LMNA: variants seen among roughly 807,000 people sequenced by gnomAD.
LMNA encodes the protein lamin A/C, also known as lamin.
LMNA carries 20 observed loss-of-function variants against 70.4 expected under a neutral mutation model. The ratio of observed to expected loss-of-function variants is 0.28; its 90% CI spans 0.20 to 0.41. LMNA has a LOEUF of 0.41. Ranked by LOEUF, LMNA falls within the 10% of genes least tolerant of loss-of-function variation. LMNA has a pLI of 1.00. For synonymous variants in LMNA, 339 were observed against 372.8 expected (o/e 0.91, Z 1.04); for missense variants, 652 against 917.2 (o/e 0.71, Z 3.73).
chr1:156,128,778 C>T (rs1650795289), intron 1 of LMNA, among the ~76,000 whole-genome samples: 1 of 152,226 alleles, frequency 6.6e-6, no homozygotes, highest in African/African-American at 2.4e-5. Flanking sequence ...ACTCTAAGCT[C>T]CTTCTAGTTC....
intron 3 of LMNA, among the ~76,000 whole-genome samples, chr1:156,091,604 A>AAAAC (rs374242861): frequency 2.5e-4 from 38 of 152,246 alleles, no homozygotes; most frequent in East Asian, 1.2e-3. Flanking sequence ...CTCCGTCTCA[A>AAAAC]AAACAAACAA....
chr1:156,113,253 G>C (rs1649606179), upstream of LMNA, among the ~76,000 whole-genome samples: 1 of 152,000 alleles, frequency 6.6e-6, no homozygotes, highest in Non-Finnish European at 1.5e-5. Flanking sequence ...GCAATGAGCT[G>C]AGATCATGCC....
chr1:156,126,830 C>T, intron 1 of LMNA: 4 of 1,611,944 alleles, frequency 2.5e-6, no homozygotes, highest in Non-Finnish European at 3.4e-6. Context: ...CTTGGGGAAC[C>T]TGGAGGATGC....
rs772978446 is a variant in LMNA at position 156,137,148 on chromosome 1, C to A, written c.1524C>A (p.Pro508=). The A allele has an allele frequency of 1.2e-6, 2 of 1,613,292 alleles. No homozygotes were observed. The highest frequency in any genetic ancestry group is 1.7e-4 in the Middle Eastern group (1 of 6,060). ...WAAGAGATHS[P]PTDLVWKAQN... ...CAGGAGCTGGGGCCACCCACAGCCCCCCTACCGACCTGGTGTGGAAGGCAC... is the reference window on the plus strand; with the variant it reads ...CAGGAGCTGGGGCCACCCACAGCCCACCTACCGACCTGGTGTGGAAGGCAC... The change falls in exon 9 of 12, where the codon CCC becomes CCA. Residue 508 remains proline, a synonymous_variant. Coordinates refer to ENST00000368300, the MANE Select transcript of LMNA (RefSeq NM_170707.4). The surrounding 1 kb of genome is among the most constrained non-coding windows in gnomAD (Gnocchi z 4.6).
At position 156,135,822 on chromosome 1, in the gene LMNA, C is replaced by T. The variant is rs1157618119; in HGVS notation, c.937-79C>T. On this transcript the variant is annotated intron_variant, in intron 5 of 11. Coordinates refer to ENST00000368300, the MANE Select transcript of LMNA (RefSeq NM_170707.4). This position sits in a 1 kb window ranked among gnomAD's most constrained non-coding sequence, Gnocchi z 4.8. ...GATCCTGGAGAGAGTAGCCAGGTGT[C>T]TCCTACACCGACCCACGTCCCTCCT... 5.7e-6 allele frequency: 7 copies of T among 1,229,062 alleles called. No homozygotes were observed. The African/African-American group carries it at 7.4e-5, about 13-fold the overall frequency. 76.1% of individuals were successfully genotyped at this position (1,229,062 alleles called of 1,614,324 possible).
intron 3 of LMNA, among the ~76,000 whole-genome samples, chr1:156,092,539 C>T (rs887128405): frequency 2.6e-5 from 4 of 151,622 alleles, no homozygotes; most frequent in African/African-American, 4.8e-5. Flanking sequence ...ATTAGCTGGG[C>T]GTGGTGGTGG....
chr1:156,130,546 T>G, intron 1 of LMNA, 71 bp from the exon 2 acceptor site: 1 of 1,540,206 alleles, frequency 6.5e-7, no homozygotes, highest in Non-Finnish European at 9.0e-7. Context: ...ATGGCTGACC[T>G]CCTGGGAGCC....
rs76909024 is a variant in LMNA at position 156,085,301 on chromosome 1, G to T, written c.-319+2117G>T. On this transcript the variant is annotated intron_variant, in intron 2 of 12. Coordinates refer to the LMNA transcript ENST00000368301. Reference sequence around the variant, plus strand: ...TCAGAGTGTTTTTTACGAATCCTTCGCTCTCTCCCGGAGGCTGGTGGCCTC... The same window carrying T: ...TCAGAGTGTTTTTTACGAATCCTTCTCTCTCTCCCGGAGGCTGGTGGCCTC... 3.2e-4 allele frequency among the ~76,000 whole-genome samples: 48 copies of T among 152,286 alleles called. 1 individual carries two copies. In the East Asian group the frequency reaches 8.3e-3, roughly 26 times the overall value.
rs1649230986 is a variant in LMNA, at chr1:156,103,943, T to G, written c.-206-10770T>G. Among the ~76,000 whole-genome samples the G allele has an allele frequency of 1.3e-5, 2 of 152,116 alleles. No homozygotes were observed. The highest frequency in any genetic ancestry group is 2.9e-5 in the Non-Finnish European group (2 of 68,020). ...TTCCTTCCCCGAACCCGGCCTCAGTTCCTGGGACATCCTGGCTCCATTCTT... is the reference window on the plus strand; with the variant it reads ...TTCCTTCCCCGAACCCGGCCTCAGTGCCTGGGACATCCTGGCTCCATTCTT... On this transcript the variant is annotated intron_variant, in intron 3 of 12. Transcript: ENST00000368301. The surrounding 1 kb of genome is among the most constrained non-coding windows in gnomAD (Gnocchi z 4.7).
chr1:156,112,794 C>T (rs1649588541), upstream of LMNA, among the ~76,000 whole-genome samples: 4 of 152,200 alleles, frequency 2.6e-5, no homozygotes, highest in South Asian at 2.1e-4. Flanking sequence ...TCATCCACCC[C>T]GAGGCCAGGC....
In LMNA at chr1:156,135,971, G is replaced by A. The variant is rs58105277; in HGVS notation, c.1007G>A (p.Arg336Gln). 9.3e-6 allele frequency: 15 copies of A among 1,614,040 alleles called. No homozygotes were observed. Among genetic ancestry groups the A allele is most frequent in the Middle Eastern group, 1.7e-4 (1 of 6,060 alleles). Residue 336 changes from arginine (R) to glutamine (Q), a missense_variant, in exon 6 of 12, where the codon CGG becomes CAG. By Grantham distance (43) the Arg-to-Gln change is conservative (BLOSUM62 1). This residue lies in a region of LMNA where 38 missense variants were observed against 32.5 expected (regional missense o/e 1.17). Coordinates refer to ENST00000368300, the MANE Select transcript of LMNA (RefSeq NM_170707.4). The surrounding 1 kb of genome is among the most constrained non-coding windows in gnomAD (Gnocchi z 4.8). The part of the protein sequence containing the change: ...SLARERDTSR[R>Q]LLAEKEREMA... ...GCCCGTGAGCGGGACACCAGCCGGC[G>A]GCTGCTGGCGGAAAAGGAGCGGGAG...
intron 2 of LMNA, among the ~76,000 whole-genome samples, chr1:156,089,709 G>A (rs1404864365): frequency 6.6e-6 from 1 of 152,148 alleles, no homozygotes; most frequent in Non-Finnish European, 1.5e-5. Context: ...GATCTCCAAG[G>A]GCTTTGCAGG....
Position 156,135,980 on chromosome 1 carries a change from C to A in LMNA, c.1016C>A (p.Ala339Glu), listed in dbSNP as rs756538414. 32 of 1,614,046 alleles carry A rather than the reference C, an allele frequency of 2.0e-5. No homozygotes were observed. Among genetic ancestry groups the A allele is most frequent in the Non-Finnish European group, 2.6e-5 (31 of 1,180,012 alleles). The change falls in exon 6 of 12, where the codon GCG (alanine) becomes GAG (glutamate). Residue 339 changes from alanine (A) to glutamate (E), a missense_variant. This residue lies in a region of LMNA where 33 missense variants were observed against 75.3 expected (regional missense o/e 0.44). Transcript: ENST00000368300. This position sits in a 1 kb window ranked among gnomAD's most constrained non-coding sequence, Gnocchi z 4.8. ...CGGGACACCAGCCGGCGGCTGCTGG[C>A]GGAAAAGGAGCGGGAGATGGCCGAG... ...RERDTSRRLLAEKEREMAEMR... is the reference protein window; with the variant it reads ...RERDTSRRLLEEKEREMAEMR...
chr1:156,130,730 C>G lies in LMNA; in HGVS notation c.470C>G (p.Thr157Arg), dbSNP rs754097769. 4 of 1,607,794 alleles carry G rather than the reference C, an allele frequency of 2.5e-6. No homozygotes were observed. Among genetic ancestry groups the G allele is most frequent in the Non-Finnish European group, 2.5e-6 (3 of 1,177,368 alleles). The change falls in exon 2 of 12, where the codon ACG becomes AGG. Residue 157 changes from threonine (T) to arginine (R), a missense_variant. Around this residue, in one of 4 missense-constraint regions of LMNA, gnomAD observed 254 missense variants for 421.9 expected, o/e 0.60. Coordinates refer to ENST00000368300, the MANE Select transcript of LMNA (RefSeq NM_170707.4). ...AGCACTGCTCTCAGTGAGAAGCGCA[C>G]GCTGGAGGGCGAGCTGCATGATCTG... ...ALSTALSEKRTLEGELHDLRG... is the reference protein window; with the variant it reads ...ALSTALSEKRRLEGELHDLRG...
chr1:156,137,325 C>T lies in LMNA; in HGVS notation c.1608+93C>T. On this transcript the variant is annotated intron_variant, in intron 9 of 11. Transcript: ENST00000368300. The surrounding 1 kb of genome is among the most constrained non-coding windows in gnomAD (Gnocchi z 4.6). ...TGCCCCCAACCCAAGTTTGCCAATTCAGGGCCCCTTTCTAGAGCTCTCTGT... is the reference window on the plus strand; with the variant it reads ...TGCCCCCAACCCAAGTTTGCCAATTTAGGGCCCCTTTCTAGAGCTCTCTGT... The T allele has an allele frequency of 1.3e-6, 2 of 1,487,876 alleles. No individual in the cohort carries two copies. Among genetic ancestry groups the T allele is most frequent in the South Asian group, 1.2e-5 (1 of 82,350 alleles). 92.2% of individuals were successfully genotyped at this position (1,487,876 alleles called of 1,614,324 possible).
At chr1:156,097,330 C>T (rs544266180) in intron 3 of LMNA, among the ~76,000 whole-genome samples, 4 of 152,306 alleles carry the variant, frequency 2.6e-5, no homozygotes, top group Admixed American at 2.0e-4. Context: ...CCTTGTGGCT[C>T]CTTCTCACTG....
chr1:156,113,114 G>A (rs1649599665), upstream of LMNA, among the ~76,000 whole-genome samples: 2 of 151,902 alleles, frequency 1.3e-5, no homozygotes, highest in Admixed American at 1.3e-4. Context: ...GGCCAACATG[G>A]TGAAACCCCA....
In LMNA at chr1:156,138,890, C is replaced by A. The variant is rs1651893068; in HGVS notation, c.1968+133C>A. ...CCCGGGGGAGTGGGAGCCTCCTCCC[C>A]ACAGCCTGAGTCCTAGACAGCCCAC... On this transcript the variant is annotated intron_variant, in intron 11 of 11. Coordinates refer to ENST00000368300, the MANE Select transcript of LMNA (RefSeq NM_170707.4). This position sits in a 1 kb window ranked among gnomAD's most constrained non-coding sequence, Gnocchi z 5.5. The A allele has an allele frequency of 1.5e-6, 2 of 1,360,846 alleles. No individual in the cohort carries two copies. The highest frequency in any genetic ancestry group is 2.1e-6 in the Non-Finnish European group (2 of 967,372). The allele number at this position is 1,360,846 out of a possible 1,614,324, so 84.3% of individuals were successfully genotyped here.
intron 2 of LMNA, among the ~76,000 whole-genome samples, chr1:156,089,655 T>TG (rs1648618553): frequency 6.6e-6 from 1 of 151,404 alleles, no homozygotes. Flanking sequence ...CTACAGAGGT[T>TG]GGGGGAGAGA....
Sources: allele counts gnomAD v4.1 joint callset (sites outside exome capture counted in the v4.1 genomes callset), GRCh38; gene constraint gnomAD v4.1.1; regional missense constraint gnomAD v4.1.1; non-coding constraint Gnocchi (gnomAD v3.1); transcripts MANE v1.5; gene names NCBI Gene and HGNC (gene_info 2026-07-23, HGNC 2026-07-21).